The following SIPA1L3 variants were observed in gnomAD, a reference collection of about 807,000 sequenced individuals.
The protein encoded by SIPA1L3 is signal induced proliferation associated 1 like 3.
In SIPA1L3, 59 loss-of-function variants were observed where a neutral mutation model predicts 150.1. The ratio of observed to expected loss-of-function variants is 0.39; its 90% CI spans 0.32 to 0.49. The LOEUF (loss-of-function observed/expected upper bound fraction) is 0.49. Ranked by LOEUF, SIPA1L3 falls within the 20% of genes least tolerant of loss-of-function variation. The pLI is 0.86. For synonymous variants in SIPA1L3, 1,070 were observed against 1,077.6 expected, an observed-to-expected ratio of 0.99 and a Z score of 0.14; for missense variants, 2,211 against 2,489.5, an observed-to-expected ratio of 0.89 and a Z score of 2.38.
intron 3 of SIPA1L3, among the ~76,000 whole-genome samples, chr19:38,086,319 C>T (rs932978919): frequency 6.6e-6 from 1 of 152,014 alleles, no homozygotes; most frequent in African/African-American, 2.4e-5. Context: ...AGGAAGTACT[C>T]ATCCTGGAGC....
intron 2 of SIPA1L3, among the ~76,000 whole-genome samples, chr19:38,039,693 C>CAAAAA (rs60084757): frequency 1.4e-5 from 1 of 73,548 alleles, no homozygotes; most frequent in Non-Finnish European, 2.6e-5. Flanking sequence ...GACTCTGTCT[C>CAAAAA]AAAAAAAAAA....
intron 1 of SIPA1L3, among the ~76,000 whole-genome samples, chr19:38,002,700 A>G (rs925571888): frequency 1.6e-5 from 2 of 129,028 alleles, no homozygotes; most frequent in African/African-American, 2.9e-5. Context: ...GCCTGGTGAC[A>G]GAGCGAGACT....
At chr19:38,147,556 G>A (rs920363017) in intron 12 of SIPA1L3, among the ~76,000 whole-genome samples, 1 of 151,670 alleles carries the variant, frequency 6.6e-6, no homozygotes, top group African/African-American at 2.4e-5. Context: ...TTTAATTTTT[G>A]TGTAAGGTGA....
At chr19:38,094,730 T>A (rs1465771909) in intron 4 of SIPA1L3, among the ~76,000 whole-genome samples, 1 of 151,948 alleles carries the variant, frequency 6.6e-6, no homozygotes, top group African/African-American at 2.4e-5. Flanking sequence ...CCCAGGAATT[T>A]GAGACCAACC....
At position 38,119,883 on chromosome 19, in the gene SIPA1L3, G is replaced by T; in HGVS notation, c.2868+1G>T. The T allele has an allele frequency of 6.3e-7, 1 of 1,594,962 alleles. No homozygotes were observed. The stretch of plus-strand genomic sequence containing the variant: ...AAGGGAGATAGTGCAGAGACTGAAG[G>T]TAAGGGAGAGAGCCCGGCGATAGGG... On this transcript the variant is annotated splice_donor_variant, in intron 9 of 21. Transcript: ENST00000222345. LOFTEE classifies it high-confidence loss of function.
chr19:37,952,412 C>A (rs997250915), intron 1 of SIPA1L3, among the ~76,000 whole-genome samples: 4 of 152,146 alleles, frequency 2.6e-5, no homozygotes, highest in Non-Finnish European at 2.9e-5. Context: ...GTGGCTCATG[C>A]CTGTAATCCT....
Position 37,926,841 on chromosome 19 carries a change from T to A in SIPA1L3, c.-379+19483T>A, listed in dbSNP as rs376898079. On this transcript the variant is annotated intron_variant, in intron 1 of 21. Coordinates refer to ENST00000222345, the MANE Select transcript of SIPA1L3 (RefSeq NM_015073.3). ...AACAACTGCAGCAGCAAGTAGGCAA[T>A]GTATGTAGCGTCTGCTGCATGCAAG... Among the ~76,000 whole-genome samples the A allele has an allele frequency of 1.2e-3, 178 of 152,226 alleles. 1 individual carries two copies. The South Asian group carries it at 0.018, about 15-fold the overall frequency.
At chr19:38,095,091 T>A (rs1412455287) in intron 4 of SIPA1L3, among the ~76,000 whole-genome samples, 1 of 152,022 alleles carries the variant, frequency 6.6e-6, no homozygotes, top group Non-Finnish European at 1.5e-5. Flanking sequence ...ACAAAATAAA[T>A]AAAAAAGAAA....
intron 10 of SIPA1L3, among the ~76,000 whole-genome samples, chr19:38,131,377 C>A (rs1016462368): frequency 2.6e-5 from 4 of 152,168 alleles, no homozygotes; most frequent in Non-Finnish European, 4.4e-5. Flanking sequence ...GGTTTTCTGG[C>A]CAGCGGGCTC....
chr19:38,134,403 C>CAAAAAAAAAAAAAAAAAAA (rs1175309814), intron 10 of SIPA1L3, among the ~76,000 whole-genome samples: 1 of 64,040 alleles, frequency 1.6e-5, no homozygotes, highest in Non-Finnish European at 2.9e-5. Context: ...CAAGCTTTCT[C>CAAAAAAAAAAAAAAAAAAA]AAAAAAAAAA....
intron 15 of SIPA1L3, among the ~76,000 whole-genome samples, chr19:38,165,951 C>T (rs1204663069): frequency 2.6e-5 from 4 of 152,070 alleles, no homozygotes; most frequent in Admixed American, 1.3e-4. Context: ...TTAGTAGAGA[C>T]AGGGTTTCAC....
intron 1 of SIPA1L3, among the ~76,000 whole-genome samples, chr19:37,965,223 T>TAA (rs1568481882): frequency 6.6e-6 from 1 of 152,176 alleles, no homozygotes; most frequent in Non-Finnish European, 1.5e-5. Flanking sequence ...TCTCTAGCCA[T>TAA]AATTTTGGTC....
At chr19:38,170,405 T>G (rs999253959) in intron 15 of SIPA1L3, among the ~76,000 whole-genome samples, 11 of 152,044 alleles carry the variant, frequency 7.2e-5, no homozygotes, top group African/African-American at 2.7e-4. Flanking sequence ...GCAGCCCCCC[T>G]CATGTGCTGT....
chr19:38,002,125 A>T (rs938906679), intron 1 of SIPA1L3, among the ~76,000 whole-genome samples: 4 of 152,202 alleles, frequency 2.6e-5, no homozygotes, highest in African/African-American at 9.7e-5. Flanking sequence ...ATGGTTGTGC[A>T]TCCATCATCA....
chr19:37,988,683 AATAAATAAGTAATAC>A (rs1436749751), intron 1 of SIPA1L3, among the ~76,000 whole-genome samples: 1 of 152,210 alleles, frequency 6.6e-6, no homozygotes, highest in Non-Finnish European at 1.5e-5. Context: ...CTCAAAAATA[AATAAATAAGTAATAC>A]ATAAATAAGA....
Position 38,082,116 on chromosome 19 carries a change from C to A in SIPA1L3, c.551C>A (p.Ala184Glu), listed in dbSNP as rs747791015. 2.5e-6 allele frequency: 4 copies of A among 1,607,378 alleles called. No homozygotes were observed. The African/African-American group carries it at 4.0e-5, about 16-fold the overall frequency. Residue 184 changes from alanine (A) to glutamate (E), a missense_variant, in exon 3 of 22, where the codon GCG becomes GAG. Ala to Glu is a moderately radical substitution (Grantham distance 107). Coordinates refer to ENST00000222345, the MANE Select transcript of SIPA1L3 (RefSeq NM_015073.3). ...CTCAGCGAGTGTGACGCGGAGGACG[C>A]GGGGGAGCCGCGGGGGGCCCGGCAC... Reference protein sequence around the residue: ...ITLSECDAEDAGEPRGARHTG... With the variant: ...ITLSECDAEDEGEPRGARHTG...
At chr19:38,095,538 T>C (rs1050779313) in intron 4 of SIPA1L3, among the ~76,000 whole-genome samples, 2 of 152,236 alleles carry the variant, frequency 1.3e-5, no homozygotes, top group African/African-American at 4.8e-5. Context: ...CACAGCTCAC[T>C]TGATTTGTTG....
intron 10 of SIPA1L3, among the ~76,000 whole-genome samples, chr19:38,131,133 C>T (rs1971298422): frequency 6.6e-6 from 1 of 152,210 alleles, no homozygotes; most frequent in Non-Finnish European, 1.5e-5. Context: ...TGAGCCCCTA[C>T]TGTGTGCAAG....
rs1324034370 is a variant in SIPA1L3 at position 38,121,194 on chromosome 19, AT to A, written c.2868+1313del. ...CCGTTTCTAAAAAAAAAATAAAAAAATAAATTAGCCGAGGCAGGTAGATCAT... is the reference window on the plus strand; with the variant it reads ...CCGTTTCTAAAAAAAAAATAAAAAAAAAATTAGCCGAGGCAGGTAGATCAT... On this transcript the variant is annotated intron_variant, in intron 9 of 21. Coordinates refer to ENST00000222345, the MANE Select transcript of SIPA1L3 (RefSeq NM_015073.3). 2.6e-5 allele frequency among the ~76,000 whole-genome samples: 4 copies of A among 152,148 alleles called. No homozygotes were observed. The East Asian group carries it at 5.8e-4, about 22-fold the overall frequency.
Sources: gnomAD v4.1 joint callset for allele counts (sites outside exome capture counted in the v4.1 genomes callset) on GRCh38, gnomAD v4.1.1 for gene constraint, MANE v1.5 for transcripts, NCBI Gene and HGNC (gene_info 2026-07-23, HGNC 2026-07-21) for gene names.